Variants in MARCHF1 observed in about 807,000 individuals in gnomAD.
MARCHF1 encodes E3 ubiquitin-protein ligase MARCHF1.
Under a neutral mutation model 54.2 loss-of-function variants are expected in MARCHF1, and 40 were observed. That is an observed-to-expected ratio of 0.74 (90% CI 0.57 to 0.96). MARCHF1 has a LOEUF of 0.96. MARCHF1 is among the 40% of genes least tolerant of loss of function. The pLI is 0.00. For missense variants in MARCHF1, 586 were observed against 656.5 expected, an observed-to-expected ratio of 0.89 and a Z score of 1.17; for synonymous variants, 236 against 236.3, an observed-to-expected ratio of 1.00 and a Z score of 0.01.
intron 2 of MARCHF1, among the ~76,000 whole-genome samples, chr4:164,110,828 T>A (rs1446521377): frequency 6.6e-6 from 1 of 151,702 alleles, no homozygotes; most frequent in Non-Finnish European, 1.5e-5. Context: ...TATCTCAATA[T>A]CAGAAAGCAG....
chr4:164,033,973 G>A (rs1195457526), intron 2 of MARCHF1, among the ~76,000 whole-genome samples: 5 of 152,068 alleles, frequency 3.3e-5, no homozygotes, highest in African/African-American at 7.2e-5. Flanking sequence ...ATACATGCAT[G>A]TATACGTTTT....
rs367830392 is a variant in MARCHF1, at chr4:164,212,129, G to A, written c.-322-100467C>T. On this transcript the variant is annotated intron_variant, in intron 1 of 9. Transcript: ENST00000514618. ...GGATGAGGAAGAAAAGAAGGAAGAG[G>A]AGGAGAAAGAGAAAGAATAGAAACA... Among the ~76,000 whole-genome samples the A allele has an allele frequency of 4.6e-5, 7 of 152,054 alleles. 1 individual carries two copies. The highest frequency in any genetic ancestry group is 1.7e-4 in the African/African-American group (7 of 41,482).
chr4:164,128,034 C>T (rs1455588077), intron 1 of MARCHF1, among the ~76,000 whole-genome samples: 1 of 152,090 alleles, frequency 6.6e-6, no homozygotes, highest in Non-Finnish European at 1.5e-5. Flanking sequence ...AAGAATTAGA[C>T]TCATCAATAT....
chr4:163,757,838 AGGACT>A (rs1450695910), intron 4 of MARCHF1, among the ~76,000 whole-genome samples: 2 of 152,210 alleles, frequency 1.3e-5, no homozygotes, highest in Non-Finnish European at 2.9e-5. Flanking sequence ...AGTTACGCTA[AGGACT>A]GGAGCATTAG....
At chr4:163,999,201 A>G (rs957468781) in intron 2 of MARCHF1, among the ~76,000 whole-genome samples, 2 of 151,588 alleles carry the variant, frequency 1.3e-5, no homozygotes, top group East Asian at 1.9e-4. Context: ...ATTTCAAAAC[A>G]TGTTGTAGTT....
intron 4 of MARCHF1, among the ~76,000 whole-genome samples, chr4:163,705,574 A>G (rs1003853377): frequency 3.9e-5 from 6 of 152,020 alleles, no homozygotes; most frequent in African/African-American, 1.4e-4. Context: ...TGAAAGAGAC[A>G]AACATTATGA....
intron 5 of MARCHF1, among the ~76,000 whole-genome samples, chr4:163,631,147 A>G (rs1280985603): frequency 6.6e-6 from 1 of 152,226 alleles, no homozygotes; most frequent in African/African-American, 2.4e-5. Context: ...ATCTTAAACT[A>G]GAATAAAATA....
intron 2 of MARCHF1, among the ~76,000 whole-genome samples, chr4:164,036,000 G>A (rs950876320): frequency 6.7e-6 from 1 of 150,320 alleles, no homozygotes; most frequent in South Asian, 2.1e-4. Context: ...CTACTCAGGA[G>A]GCTGAGGCAG....
chr4:163,530,642 C>T (rs1468438917), intron 9 of MARCHF1: 2 of 151,890 alleles, frequency 1.3e-5, no homozygotes, highest in Non-Finnish European at 2.9e-5. Flanking sequence ...TAATTTGTTG[C>T]TCTGTTTGGC....
At chr4:164,043,709 T>G (rs1253778514) in intron 2 of MARCHF1, among the ~76,000 whole-genome samples, 1 of 152,218 alleles carries the variant, frequency 6.6e-6, no homozygotes, top group Non-Finnish European at 1.5e-5. Context: ...TTCTACCACA[T>G]GGTCAGGCTA....
chr4:163,697,074 G>C (rs1341276676), intron 5 of MARCHF1, among the ~76,000 whole-genome samples: 1 of 152,142 alleles, frequency 6.6e-6, no homozygotes, highest in Non-Finnish European at 1.5e-5. Context: ...CCAGGAGCAA[G>C]CTTCCAGAAA....
intron 1 of MARCHF1, among the ~76,000 whole-genome samples, chr4:164,329,633 C>A (rs1735373808): frequency 6.6e-6 from 1 of 152,132 alleles, no homozygotes. Flanking sequence ...ACAGGAAGCA[C>A]AGCAGCATCT....
chr4:163,683,021 T>G (rs1744155610), intron 5 of MARCHF1, among the ~76,000 whole-genome samples: 1 of 152,188 alleles, frequency 6.6e-6, no homozygotes, highest in Non-Finnish European at 1.5e-5. Context: ...ATTTTGATAA[T>G]TTTTTGACAA....
Position 163,545,641 on chromosome 4 carries a change from A to G in MARCHF1, c.1294T>C (p.Leu432=), listed in dbSNP as rs149548665. 7.0e-4 allele frequency: 1,132 copies of G among 1,614,070 alleles called. 3 individuals are homozygous for G. Among genetic ancestry groups the G allele is most frequent in the African/African-American group, 5.0e-3 (372 of 75,048 alleles). The change falls in exon 9 of 10, where the codon TTG becomes CTG. Residue 432 remains leucine (L), a synonymous_variant. Coordinates refer to ENST00000514618, the MANE Select transcript of MARCHF1 (RefSeq NM_001394959.1). The part of the protein sequence containing the change: ...ITCVVWSLYV[L]IDRTAEEIKQ... ...ATTTCCTCCGCTGTCCGGTCTATCA[A>G]TACATACAAAGACCAAACCACACAG... is the stretch of plus-strand genomic sequence containing the variant.
chr4:163,774,142 C>A (rs754128837), intron 4 of MARCHF1, among the ~76,000 whole-genome samples: 2 of 152,136 alleles, frequency 1.3e-5, no homozygotes, highest in Non-Finnish European at 2.9e-5. Context: ...TTGCATATAA[C>A]CTGTGCATAT....
intron 5 of MARCHF1, among the ~76,000 whole-genome samples, chr4:163,661,523 G>C (rs1431003540): frequency 6.6e-6 from 1 of 151,742 alleles, no homozygotes; most frequent in African/African-American, 2.4e-5. Flanking sequence ...CATTTTTCTA[G>C]ATGCTTTTCT....
At chr4:164,256,432 T>TAAAAAAAAAAAAAAA (rs11345775) in intron 1 of MARCHF1, among the ~76,000 whole-genome samples, 2 of 121,852 alleles carry the variant, frequency 1.6e-5, no homozygotes, top group Admixed American at 8.5e-5. Flanking sequence ...ACAAGAAGCT[T>TAAAAAAAAAAAAAAA]AAAAAAAAAA....
At chr4:163,858,846 T>C (rs1749841200) in intron 3 of MARCHF1, among the ~76,000 whole-genome samples, 1 of 152,192 alleles carries the variant, frequency 6.6e-6, no homozygotes, top group African/African-American at 2.4e-5. Flanking sequence ...AGACTTGGGG[T>C]TCCAATGACC....
At chr4:163,749,732 C>A (rs1485365800) in intron 4 of MARCHF1, among the ~76,000 whole-genome samples, 1 of 151,680 alleles carries the variant, frequency 6.6e-6, no homozygotes, top group Non-Finnish European at 1.5e-5. Context: ...TGGAATCAGC[C>A]AAGCAGAAGC....
Sources: allele counts gnomAD v4.1 joint callset (sites outside exome capture counted in the v4.1 genomes callset), GRCh38; gene constraint gnomAD v4.1.1; transcripts MANE v1.5; gene names NCBI Gene and HGNC (gene_info 2026-07-23, HGNC 2026-07-21).